SPON1: variants seen among roughly 807,000 people sequenced by gnomAD.
The protein encoded by SPON1 is spondin-1.
Under a neutral mutation model 111.7 loss-of-function variants are expected in SPON1, and 52 were observed. The ratio of observed to expected loss-of-function variants is 0.47; its 90% CI spans 0.37 to 0.59. The LOEUF is 0.59. SPON1 is among the 20% of genes least tolerant of loss of function. The pLI is 0.00. For missense variants in SPON1, 957 were observed against 1,068.5 expected (o/e 0.90, Z 1.46); for synonymous variants, 410 against 395.8 (o/e 1.04, Z -0.43).
At chr11:14,006,089 G>A (rs1208158765) in intron 2 of SPON1, among the ~76,000 whole-genome samples, 1 of 152,174 alleles carries the variant, frequency 6.6e-6, no homozygotes, top group East Asian at 1.9e-4. Flanking sequence ...AAGGGCTATA[G>A]AAAGAGCAGT....
At chr11:14,112,248 G>A (rs1849232086) in intron 5 of SPON1, among the ~76,000 whole-genome samples, 1 of 152,212 alleles carries the variant, frequency 6.6e-6, no homozygotes, top group South Asian at 2.1e-4. Flanking sequence ...TGATAAGTGA[G>A]CCTGCTGAAG....
chr11:14,186,811 C>T (rs1208253676), intron 6 of SPON1, among the ~76,000 whole-genome samples: 2 of 152,210 alleles, frequency 1.3e-5, no homozygotes, highest in East Asian at 1.9e-4. Context: ...TAAGCCAGAT[C>T]TTCGTGTGAG....
chr11:14,075,807 C>A (rs1232639755), intron 4 of SPON1, among the ~76,000 whole-genome samples: 4 of 152,118 alleles, frequency 2.6e-5, no homozygotes, highest in African/African-American at 9.7e-5. Context: ...TTGTGTGGCA[C>A]CCAGACAATA....
intron 7 of SPON1, among the ~76,000 whole-genome samples, chr11:14,250,926 C>T (rs2133922208): frequency 6.6e-6 from 1 of 152,292 alleles, no homozygotes; most frequent in African/African-American, 2.4e-5. Flanking sequence ...TTTACTTCAA[C>T]AAACATTTGA....
At chr11:14,031,773 T>C (rs1554916085) in intron 2 of SPON1, among the ~76,000 whole-genome samples, 1 of 152,126 alleles carries the variant, frequency 6.6e-6, no homozygotes, top group Non-Finnish European at 1.5e-5. Flanking sequence ...GAAAGCCCTT[T>C]CATAAAAGAC....
chr11:14,101,706 G>A (rs1037575193), intron 5 of SPON1, among the ~76,000 whole-genome samples: 1 of 152,064 alleles, frequency 6.6e-6, no homozygotes, highest in Non-Finnish European at 1.5e-5. Context: ...CACTAAAAAG[G>A]TCTATTAATT....
At chr11:14,036,538 T>C (rs1188699232) in intron 2 of SPON1, among the ~76,000 whole-genome samples, 1 of 152,100 alleles carries the variant, frequency 6.6e-6, no homozygotes, top group African/African-American at 2.4e-5. Flanking sequence ...ATATTTGAGG[T>C]GTTTCTGATA....
chr11:14,134,827 A>C (rs1847571874), intron 5 of SPON1, among the ~76,000 whole-genome samples: 1 of 152,198 alleles, frequency 6.6e-6, no homozygotes, highest in South Asian at 2.1e-4. Flanking sequence ...ATGACATCCA[A>C]ACTCCTGAAG....
intron 7 of SPON1, among the ~76,000 whole-genome samples, chr11:14,243,678 C>T (rs782422853): frequency 2.0e-5 from 3 of 152,182 alleles, no homozygotes; most frequent in Non-Finnish European, 4.4e-5. Flanking sequence ...TGTGTTCACT[C>T]ATGCTCTCAG....
intron 4 of SPON1, among the ~76,000 whole-genome samples, chr11:14,076,395 C>T (rs1476265278): frequency 2.6e-5 from 4 of 152,040 alleles, no homozygotes; most frequent in African/African-American, 7.2e-5. Flanking sequence ...TAAAGGTCTT[C>T]GGGGAAAACA....
chr11:14,048,336 T>C (rs968276384), intron 3 of SPON1, among the ~76,000 whole-genome samples: 1 of 152,172 alleles, frequency 6.6e-6, no homozygotes, highest in Non-Finnish European at 1.5e-5. Flanking sequence ...GAGCCCTCAC[T>C]TGTAAAAAGG....
intron 2 of SPON1, among the ~76,000 whole-genome samples, chr11:14,001,718 G>C (rs1848320526): frequency 6.6e-6 from 1 of 152,132 alleles, no homozygotes; most frequent in African/African-American, 2.4e-5. Context: ...ACTTAAGAAG[G>C]AGTTTCTAGG....
At chr11:14,149,823 C>T (rs1313625836) in intron 6 of SPON1, among the ~76,000 whole-genome samples, 1 of 152,138 alleles carries the variant, frequency 6.6e-6, no homozygotes, top group East Asian at 1.9e-4. Flanking sequence ...CTAGACCCTC[C>T]AAGTTTGTGT....
chr11:14,049,176 A>G (rs1848690554), intron 3 of SPON1, among the ~76,000 whole-genome samples: 1 of 152,236 alleles, frequency 6.6e-6, no homozygotes, highest in African/African-American at 2.4e-5. Context: ...TGTGATCTTC[A>G]TACTGTACTC....
At chr11:14,104,348 C>A (rs1849169285) in intron 5 of SPON1, among the ~76,000 whole-genome samples, 2 of 151,090 alleles carry the variant, frequency 1.3e-5, no homozygotes. Context: ...TTTTTTTCCC[C>A]TAGATGTTCT....
At chr11:13,973,290 A>G (rs1048472212) in intron 1 of SPON1, among the ~76,000 whole-genome samples, 9 of 152,216 alleles carry the variant, frequency 5.9e-5, no homozygotes, top group African/African-American at 2.2e-4. Flanking sequence ...GTGACTTGAT[A>G]TTTGAGGAAG....
intron 14 of SPON1, among the ~76,000 whole-genome samples, chr11:14,261,991 G>A (rs1849189506): frequency 6.6e-6 from 1 of 152,166 alleles, no homozygotes; most frequent in Non-Finnish European, 1.5e-5. Flanking sequence ...GACCAACAGA[G>A]AGCTTGGAAT....
At position 14,255,673 on chromosome 11, in the gene SPON1, G is replaced by A; in HGVS notation, c.1119G>A (p.Gln373=). ...YESPNKPTIP[Q]EKIRPLTSLD... ...CACCCAACAAACCCACCATTCCCCA[G>A]GAGAAAATCCGGCCCCTGACCAGCC... The change falls in exon 9 of 16, where the codon CAG becomes CAA. Residue 373 remains glutamine (Q), a synonymous_variant. Coordinates refer to ENST00000576479, the MANE Select transcript of SPON1 (RefSeq NM_006108.4). The A allele has an allele frequency of 1.2e-6, 2 of 1,613,908 alleles. No individual in the cohort carries two copies. The highest frequency in any genetic ancestry group is 1.7e-6 in the Non-Finnish European group (2 of 1,179,870).
At chr11:14,185,828 A>G (rs1554934035) in intron 6 of SPON1, among the ~76,000 whole-genome samples, 1 of 152,220 alleles carries the variant, frequency 6.6e-6, no homozygotes, top group Non-Finnish European at 1.5e-5. Flanking sequence ...TCCTTATATC[A>G]GAACTGATCA....
Sources: gnomAD v4.1 joint callset for allele counts (sites outside exome capture counted in the v4.1 genomes callset) on GRCh38, gnomAD v4.1.1 for gene constraint, MANE v1.5 for transcripts, NCBI Gene and HGNC (gene_info 2026-07-23, HGNC 2026-07-21) for gene names.